The following POU6F2 variants were observed in gnomAD, a reference collection of about 807,000 sequenced individuals.
The protein encoded by POU6F2 is POU class 6 homeobox 2.
In POU6F2, 31 loss-of-function variants were observed where a neutral mutation model predicts 71.3. The ratio of observed to expected loss-of-function variants is 0.43; its 90% CI spans 0.33 to 0.59. The LOEUF is 0.59. Among genes scored for constraint, POU6F2 ranks in the 20% least tolerant of loss-of-function variants. The pLI is 0.04. For missense variants in POU6F2, 783 were observed against 856.8 expected, an observed-to-expected ratio of 0.91 and a Z score of 1.07; for synonymous variants, 347 against 355.7, an observed-to-expected ratio of 0.98 and a Z score of 0.27.
chr7:39,121,701 A>T (rs1278692070), intron 2 of POU6F2, among the ~76,000 whole-genome samples: 1 of 152,142 alleles, frequency 6.6e-6, no homozygotes, highest in Non-Finnish European at 1.5e-5. Context: ...GATACTAATT[A>T]TTATTTATTT....
intron 4 of POU6F2, among the ~76,000 whole-genome samples, chr7:39,223,972 A>C (rs1794415996): frequency 6.6e-6 from 1 of 152,132 alleles, no homozygotes. Context: ...TTGTGTTTAG[A>C]GTTTTCACAT....
intron 1 of POU6F2, among the ~76,000 whole-genome samples, chr7:39,007,384 G>A (rs1789104107): frequency 6.6e-6 from 1 of 152,140 alleles, no homozygotes; most frequent in Non-Finnish European, 1.5e-5. Context: ...TCCTTATGAA[G>A]AAAGTGGGAA....
At chr7:39,356,878 G>A (rs1786272661) in intron 5 of POU6F2, among the ~76,000 whole-genome samples, 1 of 152,154 alleles carries the variant, frequency 6.6e-6, no homozygotes, top group Non-Finnish European at 1.5e-5. Context: ...TTTGGGAAAT[G>A]GGGGCTTGAT....
intron 1 of POU6F2, among the ~76,000 whole-genome samples, chr7:38,989,732 G>GATATAT (rs111267923): frequency 3.3e-5 from 5 of 149,724 alleles, no homozygotes; most frequent in Non-Finnish European, 7.4e-5. Context: ...TGAGAAGTAA[G>GATATAT]ATATATATAT....
chr7:39,120,668 A>G (rs1277267976), intron 2 of POU6F2, among the ~76,000 whole-genome samples: 1 of 152,258 alleles, frequency 6.6e-6, no homozygotes, highest in Non-Finnish European at 1.5e-5. Flanking sequence ...AAATCAATGT[A>G]GTAGGTTAAT....
chr7:39,309,930 C>T (rs1452897223), intron 4 of POU6F2, among the ~76,000 whole-genome samples: 2 of 152,206 alleles, frequency 1.3e-5, no homozygotes, highest in East Asian at 3.8e-4. Context: ...TTCTCCTATA[C>T]TATGTCTGGC....
intron 2 of POU6F2, among the ~76,000 whole-genome samples, chr7:39,147,283 G>A (rs1382937303): frequency 6.6e-6 from 1 of 152,146 alleles, no homozygotes; most frequent in Non-Finnish European, 1.5e-5. Flanking sequence ...CAAACCTAAT[G>A]GACATTTTCT....
Position 38,978,057 on chromosome 7 carries a change from A to C in POU6F2, c.104A>C (p.Gln35Pro), listed in dbSNP as rs1446766698. Residue 35 changes from glutamine (Q) to proline (P), a missense_variant and splice_region_variant, in exon 1 of 10, where the codon CAG becomes CCG. Physicochemically the swap from Gln to Pro is moderately conservative, Grantham distance 76 (BLOSUM62 -1). Around this residue, in one of 2 missense-constraint regions of POU6F2, gnomAD observed 572 missense variants for 572.9 expected, o/e 1.00. Coordinates refer to ENST00000518318, the MANE Select transcript of POU6F2 (RefSeq NM_001370959.1). Reference sequence around the variant, plus strand: ...GGGACCATGCAAGCTGTAATTGGTCAGGTATGGAGTCAGCCATTTCTCAAC... The same window carrying C: ...GGGACCATGCAAGCTGTAATTGGTCCGGTATGGAGTCAGCCATTTCTCAAC... ...DTGTMQAVIGQDPMIAGQVSK... is the reference protein window; with the variant it reads ...DTGTMQAVIGPDPMIAGQVSK... 6.6e-6 allele frequency: 1 copy of C among 152,214 alleles called. No homozygotes were observed. The highest frequency in any genetic ancestry group is 1.5e-5 in the Non-Finnish European group (1 of 68,026). The allele number at this position is 152,214 out of a possible 1,614,324, so 9.4% of individuals were successfully genotyped here.
At chr7:39,030,577 T>G (rs1789920265) in intron 1 of POU6F2, among the ~76,000 whole-genome samples, 1 of 140,958 alleles carries the variant, frequency 7.1e-6, no homozygotes, top group African/African-American at 2.6e-5. Flanking sequence ...TGCCCGGATG[T>G]GTAACAGTTT....
intron 4 of POU6F2, among the ~76,000 whole-genome samples, chr7:39,232,735 T>C (rs1051965741): frequency 5.9e-5 from 9 of 152,262 alleles, no homozygotes; most frequent in African/African-American, 2.2e-4. Context: ...GTGGCAATCA[T>C]TTAATGTTGC....
chr7:39,168,984 A>G (rs1793165024), intron 2 of POU6F2, among the ~76,000 whole-genome samples: 1 of 152,216 alleles, frequency 6.6e-6, no homozygotes, highest in Non-Finnish European at 1.5e-5. Flanking sequence ...CTGTTTCCCA[A>G]GTTGACTGTT....
intron 4 of POU6F2, among the ~76,000 whole-genome samples, chr7:39,270,933 C>T (rs1784329362): frequency 6.6e-6 from 1 of 152,154 alleles, no homozygotes; most frequent in Non-Finnish European, 1.5e-5. Flanking sequence ...AAGACCCCTT[C>T]CGCCTTGAGG....
chr7:38,986,002 A>G (rs1351243707), intron 1 of POU6F2, among the ~76,000 whole-genome samples: 1 of 152,150 alleles, frequency 6.6e-6, no homozygotes, highest in African/African-American at 2.4e-5. Flanking sequence ...GAAAGAATTT[A>G]GAGTAAAAAT....
chr7:39,011,084 A>G (rs1789268136), intron 1 of POU6F2, among the ~76,000 whole-genome samples: 1 of 118,004 alleles, frequency 8.5e-6, no homozygotes, highest in African/African-American at 3.0e-5. Flanking sequence ...ATCCTTGTTG[A>G]CTTTCTGTCT....
intron 4 of POU6F2, among the ~76,000 whole-genome samples, chr7:39,213,997 G>C (rs1176642519): frequency 1.3e-5 from 2 of 152,182 alleles, no homozygotes; most frequent in East Asian, 1.9e-4. Context: ...ATAGATGCTG[G>C]AGATCTAATG....
At chr7:39,186,811 G>C (rs1793549364) in intron 2 of POU6F2, among the ~76,000 whole-genome samples, 1 of 152,104 alleles carries the variant, frequency 6.6e-6, no homozygotes, top group South Asian at 2.1e-4. Flanking sequence ...CCCCAGCTCT[G>C]TTTCTTCCCC....
At chr7:39,265,051 G>A (rs1784213945) in intron 4 of POU6F2, among the ~76,000 whole-genome samples, 1 of 152,160 alleles carries the variant, frequency 6.6e-6, no homozygotes, top group African/African-American at 2.4e-5. Context: ...GCAGAGAAAA[G>A]CCAGCCTGGT....
At chr7:39,343,364 A>C (rs1244187877) in intron 5 of POU6F2, among the ~76,000 whole-genome samples, 1 of 152,032 alleles carries the variant, frequency 6.6e-6, no homozygotes, top group African/African-American at 2.4e-5. Flanking sequence ...ATAGAAGCAG[A>C]AACATAAATG....
intron 1 of POU6F2, among the ~76,000 whole-genome samples, chr7:39,019,410 T>C (rs1279819981): frequency 6.6e-6 from 1 of 152,160 alleles, no homozygotes; most frequent in Admixed American, 6.5e-5. Context: ...ATAAGAATGT[T>C]CTTAGATTTT....
Sources: gnomAD v4.1 joint callset for allele counts (sites outside exome capture counted in the v4.1 genomes callset) on GRCh38, gnomAD v4.1.1 for gene constraint, gnomAD v4.1.1 regional missense constraint, MANE v1.5 for transcripts, NCBI Gene and HGNC (gene_info 2026-07-23, HGNC 2026-07-21) for gene names.